Variants in ERC1 observed in about 807,000 individuals in gnomAD.
ERC1 encodes ELKS/RAB6-interacting/CAST family member 1, also known as RAB6 interacting protein 2.
Under a neutral mutation model 132.0 loss-of-function variants are expected in ERC1, and 56 were observed. The ratio of observed to expected loss-of-function variants is 0.42; its 90% confidence interval spans 0.34 to 0.53. The LOEUF (loss-of-function observed/expected upper bound fraction) is 0.53. Among genes scored for constraint, ERC1 ranks in the 20% least tolerant of loss-of-function variants. ERC1 has a pLI of 0.03. For synonymous variants in ERC1, 478 were observed against 476.1 expected (o/e 1.00, Z -0.05); for missense variants, 1,202 against 1,349.9 (o/e 0.89, Z 1.72).
intron 12 of ERC1, among the ~76,000 whole-genome samples, chr12:1,198,884 C>G (rs1014693998): frequency 1.3e-5 from 2 of 149,700 alleles, no homozygotes; most frequent in African/African-American, 2.6e-5. Context: ...CATGACAAAC[C>G]ACCGTCATGA....
intron 15 of ERC1, among the ~76,000 whole-genome samples, chr12:1,356,253 T>A (rs2154368781): frequency 6.7e-6 from 1 of 150,134 alleles, no homozygotes; most frequent in South Asian, 2.1e-4. Context: ...TGTGTTTATA[T>A]ATTTATATTC....
At chr12:1,042,367 A>G (rs1970388270) in intron 2 of ERC1, among the ~76,000 whole-genome samples, 1 of 108,516 alleles carries the variant, frequency 9.2e-6, no homozygotes, top group Non-Finnish European at 1.9e-5. Context: ...CTTTTTTTGA[A>G]ATGGAGTTTA....
At position 1,196,974 on chromosome 12, in the gene ERC1, ATAT is replaced by A. The variant is rs1343804842; in HGVS notation, c.2351+6924_2351+6926del. The stretch of plus-strand genomic sequence containing the variant: ...CACACACACACACATATATATATAT[ATAT>A]TTTTTTTTTTTTTTTTTTTTTAAGA... On this transcript the variant is annotated intron_variant, in intron 12 of 18. Transcript: ENST00000360905. Among the ~76,000 whole-genome samples the A allele has an allele frequency of 2.6e-3, 133 of 52,142 alleles. 11 individuals are homozygous for A. Among genetic ancestry groups the A allele is most frequent in the African/African-American group, 0.01 (63 of 6,228 alleles). The allele number at this position is 52,142 out of a possible 152,430, so 34.2% of individuals were successfully genotyped here. A position where few individuals can be genotyped will look rare whatever the true frequency, so the allele number is the denominator to read the frequency against.
intron 1 of ERC1, among the ~76,000 whole-genome samples, chr12:993,387 C>A (rs1960082874): frequency 2.0e-5 from 3 of 152,156 alleles, no homozygotes; most frequent in South Asian, 4.1e-4. Context: ...GGAATGAAAT[C>A]ACATAATTTG....
chr12:1,027,831 C>A lies in ERC1; in HGVS notation c.-73C>A. 1 of 1,364,890 alleles carries A rather than the reference C, an allele frequency of 7.3e-7. No individual in the cohort carries two copies. Among genetic ancestry groups the A allele is most frequent in the Non-Finnish European group, 1.0e-6 (1 of 992,882 alleles). 84.5% of individuals were successfully genotyped at this position (1,364,890 alleles called of 1,614,324 possible). A position where few individuals can be genotyped will look rare whatever the true frequency, so the allele number is the denominator to read the frequency against. ...TTAAACCAACTTGTAGCCATAGAGACACCTCACAAGGTTCCCATTTTTGTT... is the reference window on the plus strand; with the variant it reads ...TTAAACCAACTTGTAGCCATAGAGAAACCTCACAAGGTTCCCATTTTTGTT... On this transcript the variant is annotated 5_prime_UTR_variant, in exon 2 of 19. Coordinates refer to ENST00000360905, the MANE Select transcript of ERC1 (RefSeq NM_178040.4).
intron 8 of ERC1, among the ~76,000 whole-genome samples, chr12:1,158,029 G>A (rs548661018): frequency 2.7e-4 from 41 of 152,234 alleles, no homozygotes; most frequent in African/African-American, 9.1e-4. Flanking sequence ...AGTGTAATCC[G>A]TCACTTTATC....
At chr12:1,207,754 T>G (rs1020299135) in intron 12 of ERC1, among the ~76,000 whole-genome samples, 2 of 152,200 alleles carry the variant, frequency 1.3e-5, no homozygotes, top group African/African-American at 2.4e-5. Flanking sequence ...TCACCACGGT[T>G]GTAGATCACC....
At chr12:1,474,848 G>A (rs1017803140) in intron 18 of ERC1, among the ~76,000 whole-genome samples, 19 of 152,136 alleles carry the variant, frequency 1.2e-4, no homozygotes, top group Admixed American at 5.9e-4. Flanking sequence ...AGCTTCCTCC[G>A]TTCGTTTCTT....
At chr12:1,313,771 G>A (rs1247645564) in intron 15 of ERC1, among the ~76,000 whole-genome samples, 2 of 152,008 alleles carry the variant, frequency 1.3e-5, no homozygotes, top group South Asian at 2.1e-4. Flanking sequence ...GATCCCCTGA[G>A]GTCGGGAGTT....
chr12:1,300,541 A>C (rs1376903660), intron 15 of ERC1, among the ~76,000 whole-genome samples: 2 of 152,116 alleles, frequency 1.3e-5, no homozygotes, highest in Non-Finnish European at 2.9e-5. Context: ...ATGGGAGATA[A>C]TTTTTCCAAA....
At chr12:1,084,879 T>A (rs947000373) in intron 3 of ERC1, among the ~76,000 whole-genome samples, 9 of 151,968 alleles carry the variant, frequency 5.9e-5, no homozygotes, top group East Asian at 1.9e-4. Flanking sequence ...AAAAAAAAAA[T>A]TTTGTAGAGA....
At chr12:1,125,721 A>G (rs886982621) in intron 7 of ERC1, among the ~76,000 whole-genome samples, 2 of 152,232 alleles carry the variant, frequency 1.3e-5, no homozygotes, top group Admixed American at 6.5e-5. Context: ...AGGCTGAGGC[A>G]GGAGAATCAC....
At chr12:1,141,289 T>C (rs1949841268) in intron 7 of ERC1, among the ~76,000 whole-genome samples, 2 of 152,212 alleles carry the variant, frequency 1.3e-5, no homozygotes, top group African/African-American at 4.8e-5. Flanking sequence ...TTCCTCATTT[T>C]AGATTTTCTA....
At chr12:1,379,309 G>T (rs943520860) in intron 16 of ERC1, among the ~76,000 whole-genome samples, 10 of 152,188 alleles carry the variant, frequency 6.6e-5, no homozygotes, top group African/African-American at 2.2e-4. Context: ...AGGTGACATT[G>T]TTGCTAAAGT....
chr12:1,059,500 G>A (rs549460537), intron 2 of ERC1, among the ~76,000 whole-genome samples: 2 of 152,226 alleles, frequency 1.3e-5, no homozygotes, highest in African/African-American at 4.8e-5. Flanking sequence ...TTATGTTGAG[G>A]TATGTTCCTT....
intron 17 of ERC1, among the ~76,000 whole-genome samples, chr12:1,440,600 T>TGTGTGTG (rs2093111721): frequency 2.0e-5 from 1 of 51,114 alleles, no homozygotes; most frequent in East Asian, 6.5e-4. Context: ...CCTCAGCCTT[T>TGTGTGTG]TGTGTGTGTG....
At chr12:1,463,022 T>C (rs1418169595) in intron 18 of ERC1, among the ~76,000 whole-genome samples, 1 of 152,166 alleles carries the variant, frequency 6.6e-6, no homozygotes, top group African/African-American at 2.4e-5. Context: ...CCTCTGTGGC[T>C]CACTGAGCTT....
intron 18 of ERC1, among the ~76,000 whole-genome samples, chr12:1,486,288 T>C (rs1028858647): frequency 3.9e-5 from 6 of 152,220 alleles, no homozygotes; most frequent in Admixed American, 3.9e-4. Context: ...ACATAAAGCC[T>C]CAAGTAATGC....
chr12:1,016,679 C>CT (rs1965574552), intron 1 of ERC1, among the ~76,000 whole-genome samples: 1 of 139,488 alleles, frequency 7.2e-6, no homozygotes, highest in Non-Finnish European at 1.5e-5. Context: ...CTGTTTCACT[C>CT]TGTCACCCAG....
Sources: allele counts gnomAD v4.1 joint callset (sites outside exome capture counted in the v4.1 genomes callset), GRCh38; gene constraint gnomAD v4.1.1; transcripts MANE v1.5; gene names NCBI Gene and HGNC (gene_info 2026-07-23, HGNC 2026-07-21).